Variants in CHD7 observed in about 807,000 individuals in gnomAD.
The protein encoded by CHD7 is ATP-dependent chromatin remodeler CHD7.
A neutral mutation model predicts 307.3 loss-of-function variants in CHD7; 24 were observed. The observed-to-expected ratio is 0.08, with a 90% CI of 0.06 to 0.11. The LOEUF (loss-of-function observed/expected upper bound fraction) is 0.11. Among genes scored for constraint, CHD7 ranks in the 10% least tolerant of loss-of-function variants. CHD7 has a pLI of 1.00. For missense variants in CHD7, 3,106 were observed against 3,727.1 expected (o/e 0.83, Z 4.34); for synonymous variants, 1,363 against 1,349.9 (o/e 1.01, Z -0.21).
intron 2 of CHD7, among the ~76,000 whole-genome samples, chr8:60,743,505 TCTC>T (rs780723131): frequency 1.3e-5 from 2 of 152,384 alleles, no homozygotes; most frequent in South Asian, 2.1e-4. Flanking sequence ...TGTGTGGTAG[TCTC>T]CTCCATCTCT....
chr8:60,792,215 C>T (rs1441740195), intron 3 of CHD7, among the ~76,000 whole-genome samples: 1 of 152,164 alleles, frequency 6.6e-6, no homozygotes, highest in Non-Finnish European at 1.5e-5. Context: ...TTCTAGATTA[C>T]CTTTGTTTGT....
intron 7 of CHD7, among the ~76,000 whole-genome samples, chr8:60,813,286 T>A (rs1812896813): frequency 6.6e-6 from 1 of 152,228 alleles, no homozygotes; most frequent in Admixed American, 6.5e-5. Flanking sequence ...TTTTATTATA[T>A]GAATTAGTTT....
chr8:60,759,474 T>A (rs1563576261), intron 2 of CHD7, among the ~76,000 whole-genome samples: 1 of 143,914 alleles, frequency 6.9e-6, no homozygotes, highest in Non-Finnish European at 1.5e-5. Flanking sequence ...CCTCTCTCCC[T>A]CTCTCCCTCT....
intron 1 of CHD7, among the ~76,000 whole-genome samples, chr8:60,730,887 A>G (rs1808419221): frequency 6.6e-6 from 1 of 152,030 alleles, no homozygotes. Flanking sequence ...TATTAAATGG[A>G]AAATTCCAGA....
At position 60,852,601 on chromosome 8, in the gene CHD7, T is replaced by C; in HGVS notation, c.5998T>C (p.Phe2000Leu). 2 of 1,613,932 alleles carry C rather than the reference T, an allele frequency of 1.2e-6. No individual in the cohort carries two copies. The highest frequency in any genetic ancestry group is 1.7e-6 in the Non-Finnish European group (2 of 1,179,866). The change falls in exon 30 of 38, where the codon TTT (phenylalanine) becomes CTT (leucine). Residue 2000 changes from phenylalanine to leucine, a missense_variant. Around this residue, in one of 10 missense-constraint regions of CHD7, gnomAD observed 1,030 missense variants for 1,165.4 expected, o/e 0.88. Transcript: ENST00000423902. ...ATTTGACTGGAACCAATTTAGAGCC[T>C]TTGCCAGGCTTGACAAAAAATCTGA... ...QQFDWNQFRAFARLDKKSDES... is the reference protein window; with the variant it reads ...QQFDWNQFRALARLDKKSDES...
chr8:60,850,426 A>AT (rs1805401118), intron 25 of CHD7, 67 bp from the exon 26 acceptor site: 1 of 1,548,086 alleles, frequency 6.5e-7, no homozygotes, highest in Non-Finnish European at 8.8e-7. Flanking sequence ...CAGTGCTGTG[A>AT]TTTTGCCAGT....
intron 1 of CHD7, among the ~76,000 whole-genome samples, chr8:60,727,851 AAATAAATCCTGCTTCTCTTC>A (rs1808251470): frequency 1.3e-5 from 2 of 152,188 alleles, no homozygotes; most frequent in Non-Finnish European, 2.9e-5. Flanking sequence ...CATACCAAAT[AAATAAATCCTGCTTCTCTTC>A]TGTTCCCCAC....
intron 21 of CHD7, among the ~76,000 whole-genome samples, chr8:60,844,090 A>G (rs766844194): frequency 7.2e-5 from 11 of 152,230 alleles, no homozygotes; most frequent in East Asian, 1.9e-4. Context: ...CATGGCTCAC[A>G]TAGCACCTGC....
At chr8:60,697,282 T>A (rs1446852429) in intron 1 of CHD7, among the ~76,000 whole-genome samples, 1 of 152,232 alleles carries the variant, frequency 6.6e-6, no homozygotes, top group Admixed American at 6.5e-5. Context: ...AGAAACACAT[T>A]TGAGCTGCAG....
At chr8:60,679,929 G>A (rs1211008347) in intron 1 of CHD7, 1 of 151,998 alleles carries the variant, frequency 6.6e-6, no homozygotes, top group Non-Finnish European at 1.5e-5. Context: ...GGGGGCTCCT[G>A]GGGCTCCCCG....
In CHD7 at chr8:60,851,469, G is replaced by A; in HGVS notation, c.5665+150G>A. ...TGTTTTGTGAATCATTTTAATTCTT[G>A]TTAATGGCTGTGTTTTCATGACATT... is the stretch of plus-strand genomic sequence containing the variant. On this transcript the variant is annotated intron_variant, in intron 28 of 37. Coordinates refer to ENST00000423902, the MANE Select transcript of CHD7 (RefSeq NM_017780.4). 4.8e-6 allele frequency: 3 copies of A among 622,562 alleles called. No individual in the cohort carries two copies. In the South Asian group the frequency reaches 6.0e-5, roughly 12 times the overall value. The allele number at this position is 622,562 out of a possible 1,614,324, so 38.6% of individuals were successfully genotyped here.
chr8:60,767,508 A>G (rs931760634), intron 2 of CHD7, among the ~76,000 whole-genome samples: 3 of 152,234 alleles, frequency 2.0e-5, no homozygotes, highest in Admixed American at 6.5e-5. Context: ...ACTGAAAGCC[A>G]GTGCAGAGCT....
Position 60,851,022 on chromosome 8 carries a change from T to C in CHD7, c.5535-10T>C. 6.5e-7 allele frequency: 1 copy of C among 1,547,090 alleles called. No individual in the cohort carries two copies. The highest frequency in any genetic ancestry group is 8.7e-7 in the Non-Finnish European group (1 of 1,144,678). ...ATGATTCAAATAATTTTTGTGTTTG[T>C]TTTACATAGGGGAGAATTTGATAGA... On this transcript the variant is annotated splice_polypyrimidine_tract_variant and intron_variant, in intron 26 of 37. Coordinates refer to ENST00000423902, the MANE Select transcript of CHD7 (RefSeq NM_017780.4).
chr8:60,856,866 A>C lies in CHD7; in HGVS notation c.7586A>C (p.His2529Pro), dbSNP rs756572879. 6.4e-7 allele frequency: 1 copy of C among 1,558,452 alleles called. No individual in the cohort carries two copies. The highest frequency in any genetic ancestry group is 8.7e-7 in the Non-Finnish European group (1 of 1,154,598). The change falls in exon 34 of 38, where the codon CAC (histidine) becomes CCC (proline). Residue 2529 changes from histidine to proline, a missense_variant. His to Pro is a moderately conservative substitution (Grantham distance 77). Coordinates refer to ENST00000423902, the MANE Select transcript of CHD7 (RefSeq NM_017780.4). ...VEGLDLLFMS[H>P]KRTSLSAEDA... ...GGACTTGATCTGCTTTTCATGAGCC[A>C]CAAACGGACGTCATTGAGTGCAGTA...
At chr8:60,702,652 A>G (rs1806819836) in intron 1 of CHD7, among the ~76,000 whole-genome samples, 2 of 152,256 alleles carry the variant, frequency 1.3e-5, no homozygotes. Flanking sequence ...ATAAAATGCA[A>G]AAGTGACAAA....
In CHD7 at chr8:60,836,334, C is replaced by A. The variant is rs7005873; in HGVS notation, c.3989+51C>A. ...AAAAAGGAAATCTAAAATTACCTTC[C>A]CAGGGGTCCAAGCAGTCCACCTAAA... On this transcript the variant is annotated intron_variant, in intron 16 of 37. Coordinates refer to ENST00000423902, the MANE Select transcript of CHD7 (RefSeq NM_017780.4). 1,160,736 of 1,512,788 alleles carry A rather than the reference C, an allele frequency of 0.77. 447,210 individuals are homozygous for A. The highest frequency in any genetic ancestry group is 0.94 in the East Asian group (40,417 of 43,090). 93.7% of individuals were successfully genotyped at this position (1,512,788 alleles called of 1,614,324 possible). A position where few individuals can be genotyped will look rare whatever the true frequency, so the allele number is the denominator to read the frequency against.
At chr8:60,819,290 T>C (rs1233545837) in intron 8 of CHD7, among the ~76,000 whole-genome samples, 3 of 152,180 alleles carry the variant, frequency 2.0e-5, no homozygotes, top group Non-Finnish European at 4.4e-5. Context: ...GTGTTTTATA[T>C]GAGATACCTT....
At chr8:60,781,693 C>G (rs746159080) in intron 3 of CHD7, among the ~76,000 whole-genome samples, 3 of 152,136 alleles carry the variant, frequency 2.0e-5, no homozygotes, top group Non-Finnish European at 4.4e-5. Context: ...GAAAACTTAT[C>G]ATTTAGCAAA....
intron 1 of CHD7, among the ~76,000 whole-genome samples, chr8:60,733,273 T>C (rs114500272): frequency 0.014 from 1,770 of 129,916 alleles, 35 homozygotes; most frequent in African/African-American, 0.048. Flanking sequence ...GATACACATA[T>C]TTTATGTAGC....
Sources: allele counts gnomAD v4.1 joint callset (sites outside exome capture counted in the v4.1 genomes callset), GRCh38; gene constraint gnomAD v4.1.1; regional missense constraint gnomAD v4.1.1; transcripts MANE v1.5; gene names NCBI Gene and HGNC (gene_info 2026-07-23, HGNC 2026-07-21).